EXOC4: variants seen among roughly 807,000 people sequenced by gnomAD.
EXOC4 encodes exocyst complex component 4.
EXOC4 carries 71 observed loss-of-function variants against 107.2 expected under a neutral mutation model. That is an observed-to-expected ratio of 0.66 (90% confidence interval 0.55 to 0.81). EXOC4 has a LOEUF of 0.81. Ranked by LOEUF, EXOC4 falls within the 30% of genes least tolerant of loss-of-function variation. The probability of loss-of-function intolerance (pLI) is 0.00; values close to 1 mark genes in which losing one functional copy is unlikely to be tolerated. For synonymous variants in EXOC4, 456 were observed against 441.2 expected (o/e 1.03, Z -0.42); for missense variants, 1,108 against 1,189.6 (o/e 0.93, Z 1.01).
At chr7:133,428,136 A>G (rs1371883537) in intron 7 of EXOC4, among the ~76,000 whole-genome samples, 1 of 152,178 alleles carries the variant, frequency 6.6e-6, no homozygotes, top group Non-Finnish European at 1.5e-5. Context: ...AGTGATTTGT[A>G]TGTCTACGGC....
chr7:133,410,988 T>C (rs941993689), intron 7 of EXOC4, among the ~76,000 whole-genome samples: 2 of 152,152 alleles, frequency 1.3e-5, no homozygotes, highest in African/African-American at 4.8e-5. Flanking sequence ...ACCATTTAAA[T>C]TGTGTTAAGT....
intron 10 of EXOC4, among the ~76,000 whole-genome samples, chr7:133,657,885 A>G (rs1213345564): frequency 6.6e-6 from 1 of 152,152 alleles, no homozygotes; most frequent in Non-Finnish European, 1.5e-5. Flanking sequence ...CTGAACACCC[A>G]TTGTGTGGTT....
At chr7:133,266,820 T>G (rs571467709) in intron 1 of EXOC4, among the ~76,000 whole-genome samples, 3 of 152,340 alleles carry the variant, frequency 2.0e-5, no homozygotes, top group African/African-American at 7.2e-5. Flanking sequence ...GTCTTCCATG[T>G]TTTTTAAGTG....
intron 7 of EXOC4, among the ~76,000 whole-genome samples, chr7:133,451,731 C>CT (rs540730246): frequency 6.6e-6 from 1 of 152,032 alleles, no homozygotes; most frequent in Non-Finnish European, 1.5e-5. Flanking sequence ...AACTGCCTTC[C>CT]TAGGAACACG....
intron 11 of EXOC4, among the ~76,000 whole-genome samples, chr7:133,826,815 A>C (rs1797713990): frequency 1.3e-5 from 2 of 152,212 alleles, no homozygotes; most frequent in Non-Finnish European, 2.9e-5. Context: ...GTTTATCACA[A>C]AGATGTTTTA....
At chr7:133,321,504 G>A (rs574951262) in intron 5 of EXOC4, among the ~76,000 whole-genome samples, 1 of 152,240 alleles carries the variant, frequency 6.6e-6, no homozygotes, top group South Asian at 2.1e-4. Flanking sequence ...CCACTTATGA[G>A]TGAGAACATG....
At chr7:133,397,215 C>A (rs1009645866) in intron 7 of EXOC4, among the ~76,000 whole-genome samples, 1 of 151,644 alleles carries the variant, frequency 6.6e-6, no homozygotes. Context: ...CCGCAACTTC[C>A]ACCTTCTGGG....
At chr7:133,427,064 T>A (rs946683574) in intron 7 of EXOC4, among the ~76,000 whole-genome samples, 2 of 152,192 alleles carry the variant, frequency 1.3e-5, no homozygotes, top group Admixed American at 1.3e-4. Context: ...TGTGTGGTTT[T>A]TTTTTGTTTT....
At chr7:133,813,382 TC>T (rs2151210647) in intron 10 of EXOC4, among the ~76,000 whole-genome samples, 1 of 152,330 alleles carries the variant, frequency 6.6e-6, no homozygotes, top group Admixed American at 6.5e-5. Flanking sequence ...AAAACTCTTT[TC>T]CAAAGTCCCT....
chr7:133,299,883 T>C (rs928882209), intron 3 of EXOC4, among the ~76,000 whole-genome samples: 1 of 152,200 alleles, frequency 6.6e-6, no homozygotes, highest in Non-Finnish European at 1.5e-5. Flanking sequence ...TCTCCTCTCT[T>C]TGTTAATGCA....
Position 133,502,323 on chromosome 7 carries a change from T to C in EXOC4, c.1417+22185T>C, listed in dbSNP as rs146543757. 4.9e-3 allele frequency among the ~76,000 whole-genome samples: 739 copies of C among 152,320 alleles called. 4 individuals carry two copies. The highest frequency in any genetic ancestry group is 0.017 in the Middle Eastern group (5 of 294). On this transcript the variant is annotated intron_variant, in intron 9 of 17. Coordinates refer to ENST00000253861, the MANE Select transcript of EXOC4 (RefSeq NM_021807.4). ...TATTTGCTATGCACAATATCTGTTG[T>C]AAATGTTTGCTGGAAGTATGTTTTA...
chr7:134,029,397 G>C (rs1422381066), intron 17 of EXOC4, among the ~76,000 whole-genome samples: 1 of 152,222 alleles, frequency 6.6e-6, no homozygotes, highest in Non-Finnish European at 1.5e-5. Flanking sequence ...TATAGAAACA[G>C]AAGTAGATTA....
intron 10 of EXOC4, among the ~76,000 whole-genome samples, chr7:133,752,386 T>C (rs1193673478): frequency 6.6e-6 from 1 of 152,202 alleles, no homozygotes. Context: ...GTGAATTTGG[T>C]CAGATCAGTT....
intron 10 of EXOC4, among the ~76,000 whole-genome samples, chr7:133,787,173 C>CTTTTTTTTTTTTTTTCT (rs3076807): frequency 7.5e-5 from 10 of 133,116 alleles, no homozygotes; most frequent in African/African-American, 1.4e-4. Flanking sequence ...TTTTTCTTTT[C>CTTTTTTTTTTTTTTTCT]TTTTTTTTTT....
At chr7:133,576,928 T>C (rs1704690416) in intron 9 of EXOC4, 1 of 1,199,944 alleles carries the variant, frequency 8.3e-7, no homozygotes, top group African/African-American at 1.6e-5. Flanking sequence ...AGATCTCTTA[T>C]TCACTGCATG....
chr7:133,854,408 G>GCGCGCACA (rs149648016), intron 11 of EXOC4, among the ~76,000 whole-genome samples: 3 of 139,470 alleles, frequency 2.2e-5, no homozygotes, highest in African/African-American at 8.1e-5. Flanking sequence ...TGTTGAAAGA[G>GCGCGCACA]CACACACACA....
At chr7:133,495,296 C>T (rs1018336381) in intron 9 of EXOC4, among the ~76,000 whole-genome samples, 2 of 151,790 alleles carry the variant, frequency 1.3e-5, no homozygotes, top group African/African-American at 4.8e-5. Flanking sequence ...TTTTAGATGC[C>T]TGTACACTGA....
At chr7:134,031,429 C>T (rs138007811) in intron 17 of EXOC4, among the ~76,000 whole-genome samples, 13 of 152,182 alleles carry the variant, frequency 8.5e-5, no homozygotes, top group African/African-American at 1.4e-4. Flanking sequence ...GAAAGACAGA[C>T]GCAAGGTTTA....
chr7:133,399,440 C>T (rs1331420590), intron 7 of EXOC4, among the ~76,000 whole-genome samples: 1 of 152,172 alleles, frequency 6.6e-6, no homozygotes, highest in African/African-American at 2.4e-5. Context: ...CATTGAATCT[C>T]GATTTGAGTG....
Sources: gnomAD v4.1 joint callset for allele counts (sites outside exome capture counted in the v4.1 genomes callset) on GRCh38, gnomAD v4.1.1 for gene constraint, MANE v1.5 for transcripts, NCBI Gene and HGNC (gene_info 2026-07-23, HGNC 2026-07-21) for gene names.